Variants in ZC3HAV1 observed in about 807,000 individuals in gnomAD.
The protein encoded by ZC3HAV1 is zinc finger CCCH-type containing, antiviral 1, also known as zinc finger CCCH-type antiviral protein 1.
In ZC3HAV1, 41 loss-of-function variants were observed where a neutral mutation model predicts 86.6. That is an observed-to-expected ratio of 0.47 (90% CI 0.37 to 0.61). ZC3HAV1 has a LOEUF of 0.61. Ranked by LOEUF, ZC3HAV1 falls within the 20% of genes least tolerant of loss-of-function variation. The probability of loss-of-function intolerance (pLI) is 0.00; values close to 1 mark genes in which losing one functional copy is unlikely to be tolerated. For missense variants in ZC3HAV1, 964 were observed against 1,141.1 expected, an observed-to-expected ratio of 0.84 and a Z score of 2.24; for synonymous variants, 421 against 432.1, an observed-to-expected ratio of 0.97 and a Z score of 0.32.
In ZC3HAV1 at chr7:139,054,222, G is replaced by A; in HGVS notation, c.2188-127C>T. The A allele has an allele frequency of 1.1e-5, 11 of 989,720 alleles. No individual in the cohort carries two copies. The South Asian group carries it at 2.3e-4, about 21-fold the overall frequency. The allele number at this position is 989,720 out of a possible 1,614,324, so 61.3% of individuals were successfully genotyped here. On this transcript the variant is annotated intron_variant, in intron 10 of 12. Coordinates refer to ENST00000242351, the MANE Select transcript of ZC3HAV1 (RefSeq NM_020119.4). ...TTCTTTCTAACAGCAGATAGGATGAGCTGGCTTAGGGTTCCCACATCTGCC... is the reference window on the plus strand; with the variant it reads ...TTCTTTCTAACAGCAGATAGGATGAACTGGCTTAGGGTTCCCACATCTGCC...
At chr7:139,053,377 T>C (rs1468440460) in intron 12 of ZC3HAV1, 74 bp downstream of exon 12, 6 of 1,460,050 alleles carry the variant, frequency 4.1e-6, no homozygotes, top group Non-Finnish European at 9.1e-7. Context: ...TAATTACATA[T>C]ACCTCCTAAT....
intron 1 of ZC3HAV1, among the ~76,000 whole-genome samples, chr7:139,096,552 CAATA>C (rs1481950483): frequency 2.0e-5 from 3 of 152,110 alleles, no homozygotes; most frequent in Non-Finnish European, 4.4e-5. Context: ...AGTTTGTGCT[CAATA>C]AATATTTATT....
chr7:139,062,751 CG>C (rs1816481097), intron 8 of ZC3HAV1, among the ~76,000 whole-genome samples: 1 of 152,088 alleles, frequency 6.6e-6, no homozygotes, highest in Non-Finnish European at 1.5e-5. Flanking sequence ...AAAAGGCGGA[CG>C]GGTGCAGTGG....
chr7:139,101,468 T>C (rs9692464), intron 1 of ZC3HAV1, among the ~76,000 whole-genome samples: 20 of 16,726 alleles, frequency 1.2e-3, no homozygotes, highest in African/African-American at 4.4e-3. Flanking sequence ...CCGTCTGGGA[T>C]GTGAGGAGCG....
At chr7:139,080,499 A>G (rs1395936062) in intron 3 of ZC3HAV1, among the ~76,000 whole-genome samples, 1 of 152,128 alleles carries the variant, frequency 6.6e-6, no homozygotes, top group African/African-American at 2.4e-5. Context: ...GCCCGACCAC[A>G]GCTCACTGCA....
chr7:139,060,964 G>C (rs1022294037), intron 9 of ZC3HAV1, 72 bp downstream of exon 9: 17 of 1,607,666 alleles, frequency 1.1e-5, no homozygotes, highest in Non-Finnish European at 1.4e-5. Context: ...CCAGATTCAC[G>C]AGTGACTTGA....
chr7:139,087,159 CCATGACAAGACTG>C (rs1817293774), intron 2 of ZC3HAV1, among the ~76,000 whole-genome samples: 1 of 151,964 alleles, frequency 6.6e-6, no homozygotes, highest in Non-Finnish European at 1.5e-5. Context: ...CTCTCAAGTG[CCATGACAAGACTG>C]CATCTTGTCA....
intron 1 of ZC3HAV1, among the ~76,000 whole-genome samples, chr7:139,104,290 C>G (rs751125845): frequency 6.6e-6 from 1 of 151,498 alleles, no homozygotes; most frequent in Non-Finnish European, 1.5e-5. Context: ...ACACCCACAT[C>G]GGCAAAAACC....
intron 1 of ZC3HAV1, among the ~76,000 whole-genome samples, chr7:139,092,334 G>T (rs1286766840): frequency 6.6e-6 from 1 of 152,192 alleles, no homozygotes; most frequent in African/African-American, 2.4e-5. Context: ...CTTAGCTAAG[G>T]GAGAGCCAAT....
At chr7:139,079,425 C>G in intron 4 of ZC3HAV1, 45 bp downstream of exon 4, 1 of 1,613,848 alleles carries the variant, frequency 6.2e-7, no homozygotes, top group Non-Finnish European at 8.5e-7. Context: ...TTTGGTATAT[C>G]ATGAACAAAT....
At chr7:139,078,260 C>G (rs1413352202) in intron 5 of ZC3HAV1, among the ~76,000 whole-genome samples, 2 of 151,952 alleles carry the variant, frequency 1.3e-5, no homozygotes, top group East Asian at 3.9e-4. Context: ...ACAAAAAAGG[C>G]AAACAAACAC....
chr7:139,077,355 T>C (rs763426347), intron 5 of ZC3HAV1, among the ~76,000 whole-genome samples: 1 of 152,178 alleles, frequency 6.6e-6, no homozygotes, highest in Non-Finnish European at 1.5e-5. Flanking sequence ...GAAATTCTCC[T>C]GCCTCAGTCT....
chr7:139,086,010 CAAAAAAGA>C (rs1255453646), intron 2 of ZC3HAV1, among the ~76,000 whole-genome samples: 1 of 146,692 alleles, frequency 6.8e-6, no homozygotes, highest in Non-Finnish European at 1.5e-5. Flanking sequence ...GACTCCATCT[CAAAAAAGA>C]AAAAAAAAAA....
Position 139,064,960 on chromosome 7 carries a change from G to C in ZC3HAV1, c.1912C>G (p.Leu638Val), listed in dbSNP as rs1392094065. 1.2e-6 allele frequency: 2 copies of C among 1,614,034 alleles called. No individual in the cohort carries two copies. Among genetic ancestry groups the C allele is most frequent in the African/African-American group, 1.3e-5 (1 of 74,912 alleles). Residue 638 changes from leucine to valine, a missense_variant, in exon 8 of 13, where the codon CTG becomes GTG. Leu to Val is a conservative substitution (Grantham distance 32, BLOSUM62 1). Transcript: ENST00000242351. Reference sequence around the variant, plus strand: ...GGACAGGATTGATAGAGAGACTCCAGGTATGAAGAGTCGACGTTTGAATTT... The same window carrying C: ...GGACAGGATTGATAGAGAGACTCCACGTATGAAGAGTCGACGTTTGAATTT... ...RKNSNVDSSYLESLYQSCPRG... is the reference protein window; with the variant it reads ...RKNSNVDSSYVESLYQSCPRG...
intron 8 of ZC3HAV1, 29 bp from the exon 9 acceptor site, chr7:139,061,167 T>C (rs752154955): frequency 3.7e-6 from 6 of 1,600,508 alleles, no homozygotes; most frequent in Non-Finnish European, 5.1e-6. Flanking sequence ...ATAAAAGCAG[T>C]GAGAATCAAG....
chr7:139,090,335 C>T lies in ZC3HAV1; in HGVS notation c.309-576G>A, dbSNP rs531529630. Among the ~76,000 whole-genome samples, 3 of 152,240 alleles carry T rather than the reference C, an allele frequency of 2.0e-5. No homozygotes were observed. In the South Asian group the frequency reaches 6.2e-4, roughly 32 times the overall value. ...TTAACTATTCTTTTCTTTGATCCTC[C>T]CTCCTTGGCCTCCCAAAGCACTGGG... On this transcript the variant is annotated intron_variant, in intron 1 of 12. Transcript: ENST00000242351.
chr7:139,102,728 TA>T (rs1817809692), intron 1 of ZC3HAV1, among the ~76,000 whole-genome samples: 1 of 139,328 alleles, frequency 7.2e-6, no homozygotes. Flanking sequence ...ACTGTCTCTA[TA>T]CACACACACA....
intron 4 of ZC3HAV1, chr7:139,079,104 A>G (rs755756189): frequency 6.5e-7 from 1 of 1,536,072 alleles, no homozygotes. Flanking sequence ...AGTGACTTAC[A>G]CTGAGCAGAG....
At chr7:139,076,571 C>T (rs1378150071) in intron 5 of ZC3HAV1, among the ~76,000 whole-genome samples, 162 bp from the exon 6 acceptor site, 1 of 152,034 alleles carries the variant, frequency 6.6e-6, no homozygotes, top group African/African-American at 2.4e-5. Flanking sequence ...ATCCAGGTTC[C>T]TTCATTACCT....
Sources: gnomAD v4.1 joint callset for allele counts (sites outside exome capture counted in the v4.1 genomes callset) on GRCh38, gnomAD v4.1.1 for gene constraint, MANE v1.5 for transcripts, NCBI Gene and HGNC (gene_info 2026-07-23, HGNC 2026-07-21) for gene names.